The following MACROD2 variants were observed in gnomAD, a reference collection of about 807,000 sequenced individuals.
The protein encoded by MACROD2 is ADP-ribose glycohydrolase MACROD2.
MACROD2 carries 36 observed loss-of-function variants against 70.4 expected under a neutral mutation model. That is an observed-to-expected ratio of 0.51 (90% CI 0.39 to 0.68). MACROD2 has a LOEUF of 0.68. MACROD2 is among the 30% of genes least tolerant of loss of function. The probability of loss-of-function intolerance (pLI) is 0.00; values close to 1 mark genes in which losing one functional copy is unlikely to be tolerated. For synonymous variants in MACROD2, 172 were observed against 178.8 expected, an observed-to-expected ratio of 0.96 and a Z score of 0.30; for missense variants, 496 against 538.4, an observed-to-expected ratio of 0.92 and a Z score of 0.78.
chr20:15,485,393 C>T (rs2047151166), intron 7 of MACROD2, among the ~76,000 whole-genome samples: 1 of 152,104 alleles, frequency 6.6e-6, no homozygotes, highest in Non-Finnish European at 1.5e-5. Flanking sequence ...CTACTATGAG[C>T]ACATCCTGAA....
At chr20:15,209,399 G>C (rs1321079143) in intron 5 of MACROD2, among the ~76,000 whole-genome samples, 6 of 151,906 alleles carry the variant, frequency 3.9e-5, no homozygotes, top group Non-Finnish European at 8.8e-5. Context: ...GATATTTTTT[G>C]CTTTTCTGTG....
chr20:15,391,032 CAG>C (rs967825844), intron 6 of MACROD2, among the ~76,000 whole-genome samples: 2 of 152,102 alleles, frequency 1.3e-5, no homozygotes, highest in African/African-American at 4.8e-5. Flanking sequence ...TTCATCAAAA[CAG>C]AGAAACAACG....
intron 6 of MACROD2, among the ~76,000 whole-genome samples, chr20:15,236,349 G>T (rs938585031): frequency 6.6e-6 from 1 of 152,112 alleles, no homozygotes; most frequent in Non-Finnish European, 1.5e-5. Context: ...GCTGTGCCTT[G>T]GAAACAGATA....
intron 1 of MACROD2, among the ~76,000 whole-genome samples, chr20:13,998,940 G>T (rs1043504055): frequency 7.2e-6 from 1 of 139,208 alleles, no homozygotes; most frequent in African/African-American, 2.7e-5. Context: ...GAATGACAGA[G>T]CAAGACTCCG....
chr20:15,599,854 A>C (rs756282130), intron 8 of MACROD2, among the ~76,000 whole-genome samples: 10 of 152,104 alleles, frequency 6.6e-5, no homozygotes, highest in Admixed American at 4.6e-4. Flanking sequence ...AACTCCAATT[A>C]ATCAGTTCAG....
At chr20:14,963,571 A>G (rs956358056) in intron 5 of MACROD2, among the ~76,000 whole-genome samples, 2 of 152,152 alleles carry the variant, frequency 1.3e-5, no homozygotes, top group African/African-American at 4.8e-5. Context: ...ATTATGTAAC[A>G]GCTTCCAACA....
intron 6 of MACROD2, among the ~76,000 whole-genome samples, chr20:15,274,083 C>T (rs1351053464): frequency 6.6e-6 from 1 of 152,076 alleles, no homozygotes; most frequent in Non-Finnish European, 1.5e-5. Context: ...GCAGCATTGC[C>T]TCATGACTGG....
At chr20:14,370,316 TA>T (rs1189368486) in intron 3 of MACROD2, among the ~76,000 whole-genome samples, 1 of 152,150 alleles carries the variant, frequency 6.6e-6, no homozygotes. Context: ...GCATTTAAGT[TA>T]AATAAAAGAA....
intron 3 of MACROD2, among the ~76,000 whole-genome samples, chr20:14,105,905 C>G (rs894885034): frequency 2.6e-5 from 4 of 152,142 alleles, no homozygotes; most frequent in South Asian, 2.1e-4. Context: ...AGGAAAGGAC[C>G]CAGTCCTGGC....
intron 3 of MACROD2, among the ~76,000 whole-genome samples, chr20:14,254,706 G>C (rs13039086): frequency 1.1e-3 from 171 of 152,244 alleles, no homozygotes; most frequent in South Asian, 1.9e-3. Flanking sequence ...TTATGCTATA[G>C]CTAGCCCTCT....
At chr20:15,827,201 A>G (rs2064006416) in intron 8 of MACROD2, among the ~76,000 whole-genome samples, 1 of 152,176 alleles carries the variant, frequency 6.6e-6, no homozygotes, top group South Asian at 2.1e-4. Flanking sequence ...ACTTCAGTGA[A>G]TGTCACTTGA....
chr20:14,061,590 T>C (rs1044716693), intron 2 of MACROD2, among the ~76,000 whole-genome samples: 1 of 152,140 alleles, frequency 6.6e-6, no homozygotes, highest in Non-Finnish European at 1.5e-5. Context: ...CTAGGACAGA[T>C]GTGTATTTCC....
At chr20:14,080,780 C>T (rs1284742341) in intron 2 of MACROD2, among the ~76,000 whole-genome samples, 1 of 152,106 alleles carries the variant, frequency 6.6e-6, no homozygotes, top group Non-Finnish European at 1.5e-5. Flanking sequence ...CTCTGATAGC[C>T]TACTACAAGT....
intron 3 of MACROD2, among the ~76,000 whole-genome samples, chr20:14,251,144 C>T (rs1475022630): frequency 6.6e-6 from 1 of 152,086 alleles, no homozygotes; most frequent in Non-Finnish European, 1.5e-5. Context: ...TATCAGATCA[C>T]AACAAAACTT....
intron 8 of MACROD2, among the ~76,000 whole-genome samples, chr20:15,608,379 T>C (rs1289346229): frequency 2.6e-5 from 4 of 152,172 alleles, no homozygotes; most frequent in Non-Finnish European, 5.9e-5. Flanking sequence ...AATGCCTTGA[T>C]CTCTTATGCT....
intron 5 of MACROD2, among the ~76,000 whole-genome samples, chr20:14,824,318 G>A (rs743134): frequency 0.44 from 66,472 of 151,810 alleles, 15,676 homozygotes; most frequent in African/African-American, 0.6. Context: ...GTAGCAGACG[G>A]TAAGAAAGGT....
chr20:14,056,296 GT>G (rs1000831251), intron 2 of MACROD2, among the ~76,000 whole-genome samples: 64 of 151,768 alleles, frequency 4.2e-4, no homozygotes, highest in African/African-American at 1.5e-3. Flanking sequence ...TGTGTTGTCT[GT>G]TTTTAGATTG....
chr20:15,171,245 C>CT (rs1017343054), intron 5 of MACROD2, among the ~76,000 whole-genome samples: 34 of 151,842 alleles, frequency 2.2e-4, no homozygotes, highest in African/African-American at 8.0e-4. Flanking sequence ...ATCTCCCCCT[C>CT]TATTACTCCT....
intron 10 of MACROD2, among the ~76,000 whole-genome samples, chr20:15,919,328 C>G (rs2065366967): frequency 1.3e-5 from 2 of 152,192 alleles, no homozygotes; most frequent in Admixed American, 1.3e-4. Context: ...ATGTTCCTAT[C>G]TGTCTTTTGA....
Sources: allele counts gnomAD v4.1 joint callset (sites outside exome capture counted in the v4.1 genomes callset), GRCh38; gene constraint gnomAD v4.1.1; transcripts MANE v1.5; gene names NCBI Gene and HGNC (gene_info 2026-07-23, HGNC 2026-07-21).